TRIB2: variants seen among roughly 807,000 people sequenced by gnomAD.
TRIB2 encodes the protein tribbles pseudokinase 2.
TRIB2 carries 2 observed loss-of-function variants against 26.8 expected under a neutral mutation model. That is an observed-to-expected ratio of 0.07 (90% CI 0.03 to 0.24). The LOEUF is 0.24. TRIB2 is among the 10% of genes least tolerant of loss of function. The pLI, the probability that TRIB2 is intolerant of heterozygous loss-of-function variation, is 1.00. For synonymous variants in TRIB2, 189 were observed against 187.3 expected, an observed-to-expected ratio of 1.01 and a Z score of -0.08; for missense variants, 306 against 449.0, an observed-to-expected ratio of 0.68 and a Z score of 2.88.
rs1027351046 is a variant in TRIB2 at position 12,717,131 on chromosome 2, G to T, written c.-1177G>T. 14 of 372,478 alleles carry T rather than the reference G, an allele frequency of 3.8e-5. No homozygotes were observed. Among genetic ancestry groups the T allele is most frequent in the Middle Eastern group, 6.8e-4 (1 of 1,462 alleles). 23.1% of individuals were successfully genotyped at this position (372,478 alleles called of 1,614,324 possible). Reference sequence around the variant, plus strand: ...AATACACGGTCCCCTCTTTTCTCTGGGGGGGGCAAGCAAGAAATCAAAGAA... The same window carrying T: ...AATACACGGTCCCCTCTTTTCTCTGTGGGGGGCAAGCAAGAAATCAAAGAA... On this transcript the variant is annotated 5_prime_UTR_variant, in exon 1 of 3. Transcript: ENST00000155926. This position sits in a 1 kb window ranked among gnomAD's most constrained non-coding sequence, Gnocchi z 4.8.
chr2:12,723,223 A>G lies in TRIB2; in HGVS notation c.271-37A>G, dbSNP rs753648238. Reference sequence around the variant, plus strand: ...TATGTGTTTTGGTTGTACAAGAGGCACCTCTGACTTTGGTCTTACTGTTAA... The same window carrying G: ...TATGTGTTTTGGTTGTACAAGAGGCGCCTCTGACTTTGGTCTTACTGTTAA... On this transcript the variant is annotated intron_variant, in intron 1 of 2. Coordinates refer to ENST00000155926, the MANE Select transcript of TRIB2 (RefSeq NM_021643.4). 5 of 1,587,532 alleles carry G rather than the reference A, an allele frequency of 3.1e-6. No individual in the cohort carries two copies. The South Asian group carries it at 5.7e-5, about 18-fold the overall frequency.
chr2:12,728,958 C>G (rs1188810594), intron 2 of TRIB2, among the ~76,000 whole-genome samples: 1 of 152,158 alleles, frequency 6.6e-6, no homozygotes, highest in Non-Finnish European at 1.5e-5. Flanking sequence ...ACCCTGGAGA[C>G]CAGACTCAGC....
chr2:12,718,635 C>T lies in TRIB2; in HGVS notation c.270+58C>T. ...GAAGGGGCCCGAGGGAGCGGGAGGG[C>T]GCCAGGCCCTCGAGTCTGGGAGAGG... On this transcript the variant is annotated intron_variant, in intron 1 of 2. Transcript: ENST00000155926. The surrounding 1 kb of genome is among the most constrained non-coding windows in gnomAD (Gnocchi z 4.0). 2 of 1,582,648 alleles carry T rather than the reference C, an allele frequency of 1.3e-6. No homozygotes were observed. Among genetic ancestry groups the T allele is most frequent in the South Asian group, 2.3e-5 (2 of 88,462 alleles).
In TRIB2 at chr2:12,717,977, C is replaced by G. The variant is rs1380848080; in HGVS notation, c.-331C>G. On this transcript the variant is annotated 5_prime_UTR_variant, in exon 1 of 3. Coordinates refer to ENST00000155926, the MANE Select transcript of TRIB2 (RefSeq NM_021643.4). The surrounding 1 kb of genome is among the most constrained non-coding windows in gnomAD (Gnocchi z 4.8). ...GCTGCAGCTCCGCACCTTAGCAGCC[C>G]GGGTACTCATCCAGATCCACGCCGG... 3.2e-6 allele frequency: 1 copy of G among 317,366 alleles called. No homozygotes were observed. Among genetic ancestry groups the G allele is most frequent in the African/African-American group, 2.1e-5 (1 of 47,138 alleles). The allele number at this position is 317,366 out of a possible 1,614,324, so 19.7% of individuals were successfully genotyped here. A position where few individuals can be genotyped will look rare whatever the true frequency, so the allele number is the denominator to read the frequency against.
In TRIB2 at chr2:12,717,545, G is replaced by C. The variant is rs993737263; in HGVS notation, c.-763G>C. ...AGCCCGCGCCGCAACTCTGTGCCCAGCTTTTGCAATCTTTTGTTGGCAGCG... is the reference window on the plus strand; with the variant it reads ...AGCCCGCGCCGCAACTCTGTGCCCACCTTTTGCAATCTTTTGTTGGCAGCG... On this transcript the variant is annotated 5_prime_UTR_variant, in exon 1 of 3. Coordinates refer to ENST00000155926, the MANE Select transcript of TRIB2 (RefSeq NM_021643.4). The surrounding 1 kb of genome is among the most constrained non-coding windows in gnomAD (Gnocchi z 4.8). The C allele has an allele frequency of 2.5e-6, 1 of 398,234 alleles. No individual in the cohort carries two copies. Among genetic ancestry groups the C allele is most frequent in the South Asian group, 1.3e-4 (1 of 7,838 alleles). 24.7% of individuals were successfully genotyped at this position (398,234 alleles called of 1,614,324 possible).
chr2:12,720,527 G>A (rs186385065), intron 1 of TRIB2, among the ~76,000 whole-genome samples: 2 of 152,272 alleles, frequency 1.3e-5, no homozygotes, highest in East Asian at 3.9e-4. Context: ...CTGCTTCTCT[G>A]AACTGCCCTG....
Position 12,740,554 on chromosome 2 carries a change from C to T in TRIB2, c.792C>T (p.Ser264=), listed in dbSNP as rs1661690927. Residue 264 remains serine, a synonymous_variant, in exon 3 of 3, where the codon AGC becomes AGT. Coordinates refer to ENST00000155926, the MANE Select transcript of TRIB2 (RefSeq NM_021643.4). This position sits in a 1 kb window ranked among gnomAD's most constrained non-coding sequence, Gnocchi z 5.8. ...ACATTGAACCCAGCTCCCTCTTCAG[C>T]AAGATCCGGCGTGGCCAGTTCAACA... ...FHDIEPSSLF[S]KIRRGQFNIP... is the part of the protein sequence containing the mutation. 2 of 1,614,082 alleles carry T rather than the reference C, an allele frequency of 1.2e-6. No individual in the cohort carries two copies. The highest frequency in any genetic ancestry group is 2.2e-5 in the South Asian group (2 of 91,088).
chr2:12,733,681 G>A (rs1000050370), intron 2 of TRIB2, among the ~76,000 whole-genome samples: 1 of 152,182 alleles, frequency 6.6e-6, no homozygotes, highest in Non-Finnish European at 1.5e-5. Flanking sequence ...ATCATATGGT[G>A]TGTTGTAATC....
At chr2:12,723,655 A>G in intron 2 of TRIB2, 103 bp downstream of exon 2, 1 of 1,370,886 alleles carries the variant, frequency 7.3e-7, no homozygotes, top group Admixed American at 2.5e-5. Flanking sequence ...TCTGTGGTCC[A>G]GATGAGGGGA....
intron 2 of TRIB2, chr2:12,724,662 C>G: frequency 6.2e-7 from 1 of 1,612,796 alleles, no homozygotes; most frequent in African/African-American, 1.3e-5. Context: ...AGATGTTTCC[C>G]CTGGTTTTGC....
intron 1 of TRIB2, among the ~76,000 whole-genome samples, chr2:12,719,617 C>T (rs1340705815): frequency 7.1e-6 from 1 of 140,206 alleles, no homozygotes; most frequent in Non-Finnish European, 1.5e-5. Flanking sequence ...GAGTGGGGGA[C>T]CCATTCTGCC....
In TRIB2 at chr2:12,732,388, G is replaced by A. The variant is rs1476894904; in HGVS notation, c.564-7938G>A. Among the ~76,000 whole-genome samples, 1 of 152,094 alleles carries A rather than the reference G, an allele frequency of 6.6e-6. No individual in the cohort carries two copies. The highest frequency in any genetic ancestry group is 1.5e-5 in the Non-Finnish European group (1 of 68,016). ...CTGCTGTAGTCTCCTGCATCAAATC[G>A]GTGTGGGCACACCCACCTTCCAGAT... On this transcript the variant is annotated intron_variant, in intron 2 of 2. Transcript: ENST00000155926. This position sits in a 1 kb window ranked among gnomAD's most constrained non-coding sequence, Gnocchi z 4.2.
intron 2 of TRIB2, chr2:12,724,805 T>C: frequency 6.2e-7 from 1 of 1,612,392 alleles, no homozygotes; most frequent in African/African-American, 1.3e-5. Flanking sequence ...AATAATAAAT[T>C]GGTGTATGTG....
chr2:12,721,505 C>T (rs1459573540), intron 1 of TRIB2, among the ~76,000 whole-genome samples: 2 of 152,172 alleles, frequency 1.3e-5, no homozygotes, highest in Non-Finnish European at 2.9e-5. Flanking sequence ...TTTGAGGCTT[C>T]CCTGGGTTTC....
In TRIB2 at chr2:12,740,230, A is replaced by T. The variant is rs1189904017; in HGVS notation, c.564-96A>T. ...CGTGAATGAATGAATGTGAATGAGG[A>T]GTCTTCAGAAACACTATAGTCGGTT... On this transcript the variant is annotated intron_variant, in intron 2 of 2. Transcript: ENST00000155926. This position sits in a 1 kb window ranked among gnomAD's most constrained non-coding sequence, Gnocchi z 5.8. The T allele has an allele frequency of 1.3e-5, 15 of 1,140,242 alleles. No homozygotes were observed. The highest frequency in any genetic ancestry group is 1.8e-5 in the Non-Finnish European group (14 of 787,688). The allele number at this position is 1,140,242 out of a possible 1,614,324, so 70.6% of individuals were successfully genotyped here. A position where few individuals can be genotyped will look rare whatever the true frequency, so the allele number is the denominator to read the frequency against.
In TRIB2 at chr2:12,738,790, G is replaced by A. The variant is rs149955393; in HGVS notation, c.564-1536G>A. Among the ~76,000 whole-genome samples the A allele has an allele frequency of 1.0e-3, 152 of 152,234 alleles. 1 individual carries two copies. Among genetic ancestry groups the A allele is most frequent in the African/African-American group, 2.8e-3 (118 of 41,544 alleles). On this transcript the variant is annotated intron_variant, in intron 2 of 2. Coordinates refer to ENST00000155926, the MANE Select transcript of TRIB2 (RefSeq NM_021643.4). ...TCACCATAGCCTTGAACAAGTCACC[G>A]CGCATCCTGGCCCTCACAGTAGATT...
At position 12,718,085 on chromosome 2, in the gene TRIB2, C is replaced by T; in HGVS notation, c.-223C>T. ...GGGGTAACAAAAAGACCCGAGTTGC[C>T]TGCCGACCGAGGACCCCCGGGAGCC... On this transcript the variant is annotated 5_prime_UTR_variant, in exon 1 of 3. Transcript: ENST00000155926. The surrounding 1 kb of genome is among the most constrained non-coding windows in gnomAD (Gnocchi z 4.0). 1 of 606,032 alleles carries T rather than the reference C, an allele frequency of 1.7e-6. No homozygotes were observed. The highest frequency in any genetic ancestry group is 2.8e-6 in the Non-Finnish European group (1 of 351,998). 37.5% of individuals were successfully genotyped at this position (606,032 alleles called of 1,614,324 possible). A position where few individuals can be genotyped will look rare whatever the true frequency, so the allele number is the denominator to read the frequency against.
intron 2 of TRIB2, among the ~76,000 whole-genome samples, chr2:12,739,946 T>C (rs1661677319): frequency 6.6e-6 from 1 of 152,176 alleles, no homozygotes; most frequent in Admixed American, 6.5e-5. Flanking sequence ...GGTCTCGGTT[T>C]GAATTCTGTG....
chr2:12,718,924 C>G lies in TRIB2; in HGVS notation c.270+347C>G, dbSNP rs1302207736. On this transcript the variant is annotated intron_variant, in intron 1 of 2. Coordinates refer to ENST00000155926, the MANE Select transcript of TRIB2 (RefSeq NM_021643.4). This position sits in a 1 kb window ranked among gnomAD's most constrained non-coding sequence, Gnocchi z 4.0. ...GATTTCTTCCTGTGTCTAGCCCCCTCCCCTTCCAACAAGGATTAGGGAATC... is the reference window on the plus strand; with the variant it reads ...GATTTCTTCCTGTGTCTAGCCCCCTGCCCTTCCAACAAGGATTAGGGAATC... Among the ~76,000 whole-genome samples the G allele has an allele frequency of 6.6e-6, 1 of 152,126 alleles. No homozygotes were observed. The highest frequency in any genetic ancestry group is 1.5e-5 in the Non-Finnish European group (1 of 68,034).
Sources: allele counts gnomAD v4.1 joint callset (sites outside exome capture counted in the v4.1 genomes callset), GRCh38; gene constraint gnomAD v4.1.1; non-coding constraint Gnocchi (gnomAD v3.1); transcripts MANE v1.5; gene names NCBI Gene and HGNC (gene_info 2026-07-23, HGNC 2026-07-21).